The following MYO9A variants were observed in gnomAD, a reference collection of about 807,000 sequenced individuals.
MYO9A encodes the protein myosin IXA.
In MYO9A, 103 loss-of-function variants were observed where a neutral mutation model predicts 293.3. The ratio of observed to expected loss-of-function variants is 0.35; its 90% CI spans 0.30 to 0.41. The LOEUF is 0.41. Ranked by LOEUF, MYO9A falls within the 10% of genes least tolerant of loss-of-function variation. The pLI is 1.00. For synonymous variants in MYO9A, 1,001 were observed against 1,035.7 expected, an observed-to-expected ratio of 0.97 and a Z score of 0.64; for missense variants, 2,685 against 3,033.0, an observed-to-expected ratio of 0.89 and a Z score of 2.69.
chr15:71,877,513 A>G (rs1304477306), intron 31 of MYO9A, among the ~76,000 whole-genome samples: 1 of 152,100 alleles, frequency 6.6e-6, no homozygotes, highest in South Asian at 2.1e-4. Context: ...GGTGAAGTGC[A>G]GTGGCGTGAC....
intron 39 of MYO9A, among the ~76,000 whole-genome samples, chr15:71,838,767 G>C (rs1296992477): frequency 2.0e-5 from 3 of 152,114 alleles, no homozygotes; most frequent in Non-Finnish European, 4.4e-5. Context: ...TTTTGACAGA[G>C]AGCCAAGATC....
chr15:71,835,408 A>G (rs560176844), intron 39 of MYO9A, among the ~76,000 whole-genome samples: 13 of 152,326 alleles, frequency 8.5e-5, no homozygotes, highest in Admixed American at 3.9e-4. Flanking sequence ...AGTCCACAGA[A>G]AACTTATTAG....
chr15:72,075,001 G>C (rs531126931), intron 1 of MYO9A, among the ~76,000 whole-genome samples: 12 of 84,422 alleles, frequency 1.4e-4, no homozygotes, highest in Admixed American at 4.0e-4. Flanking sequence ...TTTTGCTCTT[G>C]TTGCCCAGGC....
intron 14 of MYO9A, among the ~76,000 whole-genome samples, chr15:71,955,616 C>G (rs567721336): frequency 8.5e-5 from 13 of 152,260 alleles, no homozygotes; most frequent in African/African-American, 3.1e-4. Context: ...GATGAACATT[C>G]AGGAACTATT....
rs188717023 is a variant in MYO9A, at chr15:72,053,428, T to A, written c.-71-6794A>T. ...CTCAAAGAAAAAAAAAAAGGTTTTT[T>A]AAGTGTAACTTTCCATGTGGCACAT... On this transcript the variant is annotated intron_variant, in intron 1 of 41. Coordinates refer to ENST00000356056, the MANE Select transcript of MYO9A (RefSeq NM_006901.4). Among the ~76,000 whole-genome samples the A allele has an allele frequency of 3.3e-3, 503 of 152,224 alleles. 7 individuals carry two copies. The highest frequency in any genetic ancestry group is 0.011 in the African/African-American group (475 of 41,536).
At chr15:71,883,545 G>A (rs1270700882) in intron 28 of MYO9A, 49 bp downstream of exon 28, 2 of 1,569,046 alleles carry the variant, frequency 1.3e-6, no homozygotes, top group Non-Finnish European at 1.7e-6. Flanking sequence ...CTTTCAGAAA[G>A]AGTGAACAGA....
chr15:71,954,657 T>C (rs571389780), intron 14 of MYO9A, among the ~76,000 whole-genome samples: 7 of 152,224 alleles, frequency 4.6e-5, no homozygotes, highest in South Asian at 2.1e-4. Flanking sequence ...ATGTGGGGCA[T>C]TGATTTTTTT....
intron 8 of MYO9A, among the ~76,000 whole-genome samples, chr15:72,004,279 C>T (rs891813107): frequency 6.6e-6 from 1 of 152,166 alleles, no homozygotes; most frequent in Non-Finnish European, 1.5e-5. Flanking sequence ...TATTCTTGGC[C>T]GGGCACAGTG....
At chr15:72,067,894 C>A (rs947502888) in intron 1 of MYO9A, among the ~76,000 whole-genome samples, 1 of 152,060 alleles carries the variant, frequency 6.6e-6, no homozygotes, top group African/African-American at 2.4e-5. Flanking sequence ...AAAAAAAATT[C>A]ATATTGTTTT....
chr15:71,945,250 G>A (rs903157454), intron 15 of MYO9A, among the ~76,000 whole-genome samples: 1 of 152,104 alleles, frequency 6.6e-6, no homozygotes, highest in African/African-American at 2.4e-5. Flanking sequence ...CCACTTCTAA[G>A]GTCACTCACA....
At chr15:72,032,707 A>G in intron 2 of MYO9A, 119 bp from the exon 3 acceptor site, 1 of 564,324 alleles carries the variant, frequency 1.8e-6, no homozygotes, top group African/African-American at 1.9e-5. Context: ...GACAGTAAAA[A>G]GACAATTTGC....
At position 71,850,058 on chromosome 15, in the gene MYO9A, G is replaced by C; in HGVS notation, c.6691C>G (p.Gln2231Glu). The change falls in exon 38 of 42, where the codon CAG (glutamine) becomes GAG (glutamate). Residue 2231 changes from glutamine (Q) to glutamate (E), a missense_variant. This residue lies in a region of MYO9A where 238 missense variants were observed against 269.1 expected (regional missense o/e 0.88). Transcript: ENST00000356056. Reference protein sequence around the residue: ...PDTTDPLQSVQDISKTTTCVE... With the variant: ...PDTTDPLQSVEDISKTTTCVE... ...TACGTGGTAGTCTTACTGATGTCCT[G>C]TACACTTTGTAGTGGGTCAGTGGTG... The C allele has an allele frequency of 6.2e-7, 1 of 1,614,002 alleles. No individual in the cohort carries two copies. Among genetic ancestry groups the C allele is most frequent in the South Asian group, 1.1e-5 (1 of 91,076 alleles).
intron 2 of MYO9A, among the ~76,000 whole-genome samples, chr15:72,034,052 T>C (rs1239256920): frequency 6.6e-6 from 1 of 152,194 alleles, no homozygotes; most frequent in African/African-American, 2.4e-5. Flanking sequence ...AGAGCATATA[T>C]ACACGGACGC....
In MYO9A at chr15:72,045,802, G is replaced by A. The variant is rs113737819; in HGVS notation, c.762C>T (p.His254=). Residue 254 remains histidine (H), a synonymous_variant, in exon 2 of 42, where the codon CAC becomes CAT. Transcript: ENST00000356056. ...CTTTCTGACTGAGAGCAGTAAGGTG[G>A]TGAATAAGAAAGTTTGTGCTTTGAG... The part of the protein sequence containing the change: ...GKTQSTNFLI[H]HLTALSQKGF... The A allele has an allele frequency of 7.2e-5, 117 of 1,614,000 alleles. No homozygotes were observed. The Admixed American group carries it at 1.9e-3, about 26-fold the overall frequency.
chr15:71,874,368 TAGG>T, intron 32 of MYO9A, among the ~76,000 whole-genome samples: 1 of 152,104 alleles, frequency 6.6e-6, no homozygotes, highest in South Asian at 2.1e-4. Flanking sequence ...GTAAAGACGA[TAGG>T]AGGAGGAGGG....
chr15:71,930,042 G>A (rs1183658949), intron 18 of MYO9A, among the ~76,000 whole-genome samples: 1 of 152,124 alleles, frequency 6.6e-6, no homozygotes, highest in Admixed American at 6.5e-5. Flanking sequence ...TGGTAGTGTT[G>A]CATCATGAAA....
intron 1 of MYO9A, among the ~76,000 whole-genome samples, chr15:72,047,125 T>C (rs1360189214): frequency 5.3e-5 from 8 of 152,220 alleles, no homozygotes; most frequent in Non-Finnish European, 7.4e-5. Flanking sequence ...TAGATAAACA[T>C]AGAAATTACA....
intron 32 of MYO9A, among the ~76,000 whole-genome samples, chr15:71,866,885 C>T (rs1220637955): frequency 1.3e-5 from 2 of 151,960 alleles, no homozygotes; most frequent in African/African-American, 2.4e-5. Flanking sequence ...GGTGAAACCC[C>T]ATCTCTACTA....
In MYO9A at chr15:71,825,211, A is replaced by G. The variant is rs770644318; in HGVS notation, c.*1369T>C. The G allele has an allele frequency of 2.0e-5, 3 of 152,210 alleles. No individual in the cohort carries two copies. Among genetic ancestry groups the G allele is most frequent in the Non-Finnish European group, 4.4e-5 (3 of 68,030 alleles). 9.4% of individuals were successfully genotyped at this position (152,210 alleles called of 1,614,324 possible). On this transcript the variant is annotated 3_prime_UTR_variant, in exon 42 of 42. Coordinates refer to ENST00000356056, the MANE Select transcript of MYO9A (RefSeq NM_006901.4). ...GCTATTATAACTCATGTGTATGAAG[A>G]CCACCCAGTGGTGAAAATGATGTCT... is the stretch of plus-strand genomic sequence containing the variant.
Sources: gnomAD v4.1 joint callset for allele counts (sites outside exome capture counted in the v4.1 genomes callset) on GRCh38, gnomAD v4.1.1 for gene constraint, gnomAD v4.1.1 regional missense constraint, MANE v1.5 for transcripts, NCBI Gene and HGNC (gene_info 2026-07-23, HGNC 2026-07-21) for gene names.